MAB21L2: variants seen among roughly 807,000 people sequenced by gnomAD.
MAB21L2 encodes mab-21 like 2.
A neutral mutation model predicts 29.8 loss-of-function variants in MAB21L2; 15 were observed. The ratio of observed to expected loss-of-function variants is 0.50; its 90% CI spans 0.34 to 0.78. MAB21L2 has a LOEUF of 0.78. MAB21L2 is among the 30% of genes least tolerant of loss of function. MAB21L2 has a pLI of 0.01. For missense variants in MAB21L2, 321 were observed against 480.1 expected, an observed-to-expected ratio of 0.67 and a Z score of 3.10; for synonymous variants, 218 against 210.4, an observed-to-expected ratio of 1.04 and a Z score of -0.31.
chr4:150,582,893 A>G lies in MAB21L2; in HGVS notation c.-137A>G. ...GTATCAGCCGGTCAGCCCAGGTGGA[A>G]AACGAGAGTGAAAGTAGGGCTTAAC... On this transcript the variant is annotated 5_prime_UTR_variant, in exon 1 of 1. Transcript: ENST00000317605. The G allele has an allele frequency of 9.3e-7, 1 of 1,075,766 alleles. No homozygotes were observed. 66.6% of individuals were successfully genotyped at this position (1,075,766 alleles called of 1,614,324 possible).
Position 150,584,335 on chromosome 4 carries a change from G to C in MAB21L2, c.*226G>C. ...GTGATCGTTTTCTTCCAAACAATGT[G>C]AATTTAAAAGGTCACACAAAAGAAG... On this transcript the variant is annotated 3_prime_UTR_variant, in exon 1 of 1. Coordinates refer to ENST00000317605, the MANE Select transcript of MAB21L2 (RefSeq NM_006439.5). 1 of 420,826 alleles carries C rather than the reference G, an allele frequency of 2.4e-6. No homozygotes were observed. The highest frequency in any genetic ancestry group is 4.1e-5 in the Admixed American group (1 of 24,274). 26.1% of individuals were successfully genotyped at this position (420,826 alleles called of 1,614,324 possible). A position where few individuals can be genotyped will look rare whatever the true frequency, so the allele number is the denominator to read the frequency against.
Position 150,583,827 on chromosome 4 carries a change from C to A in MAB21L2, c.798C>A (p.Gly266=). ...TLRDRHLELP[G]QPLNNYHMKT... is the part of the protein sequence containing the mutation. ...GGGACCGCCACCTGGAGCTACCCGG[C>A]CAGCCGCTCAACAACTACCACATGA... is the stretch of plus-strand genomic sequence containing the variant. Residue 266 remains glycine, a synonymous_variant, in exon 1 of 1, where the codon GGC becomes GGA. Transcript: ENST00000317605. This position sits in a 1 kb window ranked among gnomAD's most constrained non-coding sequence, Gnocchi z 9.8. 6.2e-7 allele frequency: 1 copy of A among 1,614,204 alleles called. No individual in the cohort carries two copies. Among genetic ancestry groups the A allele is most frequent in the African/African-American group, 1.3e-5 (1 of 75,048 alleles).
rs779910816 is a variant in MAB21L2 at position 150,583,129 on chromosome 4, G to T, written c.100G>T (p.Val34Phe). 1.1e-5 allele frequency: 18 copies of T among 1,614,224 alleles called. No individual in the cohort carries two copies. The highest frequency in any genetic ancestry group is 1.4e-5 in the Non-Finnish European group (17 of 1,180,036). The change falls in exon 1 of 1, where the codon GTC becomes TTC. Residue 34 changes from valine to phenylalanine, a missense_variant. Coordinates refer to ENST00000317605, the MANE Select transcript of MAB21L2 (RefSeq NM_006439.5). The surrounding 1 kb of genome is among the most constrained non-coding windows in gnomAD (Gnocchi z 9.8). ...GGCCATCGCCAAAACCATCCGAGAG[G>T]TCTGTAAGGTGGTCTCGGACGTGCT... is the stretch of plus-strand genomic sequence containing the variant. ...KAAIAKTIRE[V>F]CKVVSDVLKE...
chr4:150,583,219 G>A lies in MAB21L2; in HGVS notation c.190G>A (p.Glu64Lys). The change falls in exon 1 of 1, where the codon GAG (glutamate) becomes AAG (lysine). Residue 64 changes from glutamate to lysine, a missense_variant. Transcript: ENST00000317605. The surrounding 1 kb of genome is among the most constrained non-coding windows in gnomAD (Gnocchi z 9.8). ...SSLSEIDARY[E>K]GLEVISPTEF... ...CTTGAGCGAGATCGATGCCCGCTAC[G>A]AGGGGCTCGAGGTCATTTCGCCCAC... 6.2e-7 allele frequency: 1 copy of A among 1,614,216 alleles called. No homozygotes were observed. Among genetic ancestry groups the A allele is most frequent in the South Asian group, 1.1e-5 (1 of 91,080 alleles).
rs1771466024 is a variant in MAB21L2, at chr4:150,582,248, A to T, written c.-782A>T. On this transcript the variant is annotated 5_prime_UTR_variant, in exon 1 of 1. Coordinates refer to ENST00000317605, the MANE Select transcript of MAB21L2 (RefSeq NM_006439.5). Reference sequence around the variant, plus strand: ...CAGAAATGATTATCAAACAACTTCCAGCGGTTTGCACCTAAAGAAACACAA... The same window carrying T: ...CAGAAATGATTATCAAACAACTTCCTGCGGTTTGCACCTAAAGAAACACAA... The T allele has an allele frequency of 6.6e-6, 1 of 152,142 alleles. No individual in the cohort carries two copies. The highest frequency in any genetic ancestry group is 1.5e-5 in the Non-Finnish European group (1 of 68,038). The allele number at this position is 152,142 out of a possible 1,614,324, so 9.4% of individuals were successfully genotyped here. A position where few individuals can be genotyped will look rare whatever the true frequency, so the allele number is the denominator to read the frequency against.
chr4:150,583,231 G>C lies in MAB21L2; in HGVS notation c.202G>C (p.Val68Leu), dbSNP rs753700138. The change falls in exon 1 of 1, where the codon GTC becomes CTC. Residue 68 changes from valine (V) to leucine (L), a missense_variant. Val to Leu is a conservative substitution (Grantham distance 32). Transcript: ENST00000317605. The surrounding 1 kb of genome is among the most constrained non-coding windows in gnomAD (Gnocchi z 9.8). ...CGATGCCCGCTACGAGGGGCTCGAG[G>C]TCATTTCGCCCACCGAATTTGAGGT... ...EIDARYEGLE[V>L]ISPTEFEVVL... 19 of 1,614,120 alleles carry C rather than the reference G, an allele frequency of 1.2e-5. No individual in the cohort carries two copies. The highest frequency in any genetic ancestry group is 1.6e-5 in the Non-Finnish European group (19 of 1,180,054).
rs1323794389 is a variant in MAB21L2, at chr4:150,583,133, G to A, written c.104G>A (p.Cys35Tyr). 1 of 1,614,114 alleles carries A rather than the reference G, an allele frequency of 6.2e-7. No individual in the cohort carries two copies. Among genetic ancestry groups the A allele is most frequent in the Non-Finnish European group, 8.5e-7 (1 of 1,180,036 alleles). ...AAIAKTIREV[C>Y]KVVSDVLKEV... ...ATCGCCAAAACCATCCGAGAGGTCT[G>A]TAAGGTGGTCTCGGACGTGCTCAAG... Residue 35 changes from cysteine (C) to tyrosine (Y), a missense_variant, in exon 1 of 1, where the codon TGT (cysteine) becomes TAT (tyrosine). By Grantham distance (194) the Cys-to-Tyr change is radical (BLOSUM62 -2). Transcript: ENST00000317605. The surrounding 1 kb of genome is among the most constrained non-coding windows in gnomAD (Gnocchi z 9.8).
rs1031762518 is a variant in MAB21L2, at chr4:150,582,529, T to C, written c.-501T>C. The C allele has an allele frequency of 1.9e-5, 3 of 159,774 alleles. No homozygotes were observed. The highest frequency in any genetic ancestry group is 4.2e-5 in the Non-Finnish European group (3 of 72,174). The allele number at this position is 159,774 out of a possible 1,614,324, so 9.9% of individuals were successfully genotyped here. On this transcript the variant is annotated 5_prime_UTR_variant, in exon 1 of 1. Coordinates refer to ENST00000317605, the MANE Select transcript of MAB21L2 (RefSeq NM_006439.5). ...ACCTACACTGAGCGAAGAAGTCCTA[T>C]CAGCGTGGAAGAGAAGTTTAAGAAT...
rs1354973339 is a variant in MAB21L2, at chr4:150,582,911, G to A, written c.-119G>A. 5.4e-5 allele frequency: 66 copies of A among 1,230,436 alleles called. 1 individual carries two copies. The highest frequency in any genetic ancestry group is 7.0e-5 in the Non-Finnish European group (62 of 887,754). The allele number at this position is 1,230,436 out of a possible 1,614,324, so 76.2% of individuals were successfully genotyped here. On this transcript the variant is annotated 5_prime_UTR_variant, in exon 1 of 1. Transcript: ENST00000317605. ...AGGTGGAAAACGAGAGTGAAAGTAG[G>A]GCTTAACGGGGAGCGCACCGCCTCT...
rs1771815816 is a variant in MAB21L2, at chr4:150,584,363, A to G, written c.*254A>G. On this transcript the variant is annotated 3_prime_UTR_variant, in exon 1 of 1. Transcript: ENST00000317605. ...TTTAAAAGGTCACACAAAAGAAGCAATCGGGCTCCGCCACCACAAAATGAA... is the reference window on the plus strand; with the variant it reads ...TTTAAAAGGTCACACAAAAGAAGCAGTCGGGCTCCGCCACCACAAAATGAA... 3.0e-6 allele frequency: 1 copy of G among 332,674 alleles called. No individual in the cohort carries two copies. Among genetic ancestry groups the G allele is most frequent in the South Asian group, 1.2e-4 (1 of 8,358 alleles). The allele number at this position is 332,674 out of a possible 1,614,324, so 20.6% of individuals were successfully genotyped here. A position where few individuals can be genotyped will look rare whatever the true frequency, so the allele number is the denominator to read the frequency against.
At position 150,583,101 on chromosome 4, in the gene MAB21L2, G is replaced by T; in HGVS notation, c.72G>T (p.Lys24Asn). 6.2e-7 allele frequency: 1 copy of T among 1,614,180 alleles called. No individual in the cohort carries two copies. Among genetic ancestry groups the T allele is most frequent in the South Asian group, 1.1e-5 (1 of 91,086 alleles). The change falls in exon 1 of 1, where the codon AAG (lysine) becomes AAT (asparagine). Residue 24 changes from lysine to asparagine, a missense_variant. Lys to Asn is a moderately conservative substitution (Grantham distance 94, BLOSUM62 0). Coordinates refer to ENST00000317605, the MANE Select transcript of MAB21L2 (RefSeq NM_006439.5). The surrounding 1 kb of genome is among the most constrained non-coding windows in gnomAD (Gnocchi z 9.8). ...KYYTERCQAR[K>N]AAIAKTIREV... ...ACACTGAGCGCTGTCAGGCGCGCAA[G>T]GCGGCCATCGCCAAAACCATCCGAG...
At position 150,583,755 on chromosome 4, in the gene MAB21L2, G is replaced by A. The variant is rs931392566; in HGVS notation, c.726G>A (p.Leu242=). Residue 242 remains leucine, a synonymous_variant, in exon 1 of 1, where the codon CTG becomes CTA. Transcript: ENST00000317605. This position sits in a 1 kb window ranked among gnomAD's most constrained non-coding sequence, Gnocchi z 9.8. ...LQFGEAENRL[L]MGGCRNKCLS... ...TCGGGGAGGCGGAGAACCGCCTGCT[G>A]ATGGGCGGCTGCCGAAACAAGTGCC... 1 of 1,613,936 alleles carries A rather than the reference G, an allele frequency of 6.2e-7. No homozygotes were observed. Among genetic ancestry groups the A allele is most frequent in the African/African-American group, 1.3e-5 (1 of 75,060 alleles).
At position 150,583,568 on chromosome 4, in the gene MAB21L2, G is replaced by C; in HGVS notation, c.539G>C (p.Trp180Ser). ...ITPAFKCTGI[W>S]PRSAAQWPMP... Reference sequence around the variant, plus strand: ...CCGGCGTTCAAGTGCACCGGGATCTGGCCTCGCAGCGCGGCACAGTGGCCT... The same window carrying C: ...CCGGCGTTCAAGTGCACCGGGATCTCGCCTCGCAGCGCGGCACAGTGGCCT... Residue 180 changes from tryptophan to serine, a missense_variant, in exon 1 of 1, where the codon TGG becomes TCG. Transcript: ENST00000317605. The surrounding 1 kb of genome is among the most constrained non-coding windows in gnomAD (Gnocchi z 9.8). 6.2e-7 allele frequency: 1 copy of C among 1,613,910 alleles called. No homozygotes were observed. The highest frequency in any genetic ancestry group is 8.5e-7 in the Non-Finnish European group (1 of 1,179,922).
Position 150,583,441 on chromosome 4 carries a change from C to G in MAB21L2, c.412C>G (p.Gln138Glu). Residue 138 changes from glutamine (Q) to glutamate (E), a missense_variant, in exon 1 of 1, where the codon CAG (glutamine) becomes GAG (glutamate). Coordinates refer to ENST00000317605, the MANE Select transcript of MAB21L2 (RefSeq NM_006439.5). This position sits in a 1 kb window ranked among gnomAD's most constrained non-coding sequence, Gnocchi z 9.8. Reference protein sequence around the residue: ...IRSRFQTLVAQAVDKCSYRDV... With the variant: ...IRSRFQTLVAEAVDKCSYRDV... ...CTCGCGTTTCCAGACGCTGGTGGCC[C>G]AGGCGGTGGACAAGTGCAGCTATCG... The G allele has an allele frequency of 6.2e-7, 1 of 1,613,916 alleles. No homozygotes were observed. The highest frequency in any genetic ancestry group is 8.5e-7 in the Non-Finnish European group (1 of 1,180,042).
At position 150,583,586 on chromosome 4, in the gene MAB21L2, A is replaced by T. The variant is rs145752558; in HGVS notation, c.557A>T (p.Gln186Leu). 5.0e-6 allele frequency: 8 copies of T among 1,613,858 alleles called. No individual in the cohort carries two copies. In the African/African-American group the frequency reaches 9.3e-5, roughly 19 times the overall value. The change falls in exon 1 of 1, where the codon CAG (glutamine) becomes CTG (leucine). Residue 186 changes from glutamine (Q) to leucine (L), a missense_variant. Coordinates refer to ENST00000317605, the MANE Select transcript of MAB21L2 (RefSeq NM_006439.5). This position sits in a 1 kb window ranked among gnomAD's most constrained non-coding sequence, Gnocchi z 9.8. Reference sequence around the variant, plus strand: ...GGGATCTGGCCTCGCAGCGCGGCACAGTGGCCTATGCCCCACATCCCTTGG... The same window carrying T: ...GGGATCTGGCCTCGCAGCGCGGCACTGTGGCCTATGCCCCACATCCCTTGG... ...CTGIWPRSAA[Q>L]WPMPHIPWPG...
In MAB21L2 at chr4:150,583,458, C is replaced by T. The variant is rs1771667878; in HGVS notation, c.429C>T (p.Cys143=). 1.9e-6 allele frequency: 3 copies of T among 1,613,884 alleles called. No homozygotes were observed. Among genetic ancestry groups the T allele is most frequent in the Non-Finnish European group, 2.5e-6 (3 of 1,180,032 alleles). ...TGGTGGCCCAGGCGGTGGACAAGTG[C>T]AGCTATCGGGATGTGGTCAAGATGA... The part of the protein sequence containing the change: ...QTLVAQAVDK[C]SYRDVVKMIA... The change falls in exon 1 of 1, where the codon TGC becomes TGT. Residue 143 remains cysteine, a synonymous_variant. Transcript: ENST00000317605. This position sits in a 1 kb window ranked among gnomAD's most constrained non-coding sequence, Gnocchi z 9.8.
In MAB21L2 at chr4:150,583,324, G is replaced by A; in HGVS notation, c.295G>A (p.Val99Met). 1.2e-6 allele frequency: 2 copies of A among 1,614,220 alleles called. No homozygotes were observed. The highest frequency in any genetic ancestry group is 1.7e-6 in the Non-Finnish European group (2 of 1,180,046). Residue 99 changes from valine (V) to methionine (M), a missense_variant, in exon 1 of 1, where the codon GTG (valine) becomes ATG (methionine). Coordinates refer to ENST00000317605, the MANE Select transcript of MAB21L2 (RefSeq NM_006439.5). This position sits in a 1 kb window ranked among gnomAD's most constrained non-coding sequence, Gnocchi z 9.8. The part of the protein sequence containing the change: ...VDDGSLPGCA[V>M]LKLSDGRKRS... ...CGACGGCTCGCTGCCCGGCTGCGCA[G>A]TGCTCAAACTGAGCGATGGGCGGAA...
In MAB21L2 at chr4:150,584,201, C is replaced by T; in HGVS notation, c.*92C>T. On this transcript the variant is annotated 3_prime_UTR_variant, in exon 1 of 1. Coordinates refer to ENST00000317605, the MANE Select transcript of MAB21L2 (RefSeq NM_006439.5). ...AAACAGCAGAAACTCTGGACACAAA[C>T]TTTTATGTAAGTCACCTGAAATAGG... 7.4e-7 allele frequency: 1 copy of T among 1,357,298 alleles called. No individual in the cohort carries two copies. Among genetic ancestry groups the T allele is most frequent in the African/African-American group, 1.5e-5 (1 of 68,366 alleles). 84.1% of individuals were successfully genotyped at this position (1,357,298 alleles called of 1,614,324 possible). A position where few individuals can be genotyped will look rare whatever the true frequency, so the allele number is the denominator to read the frequency against.
In MAB21L2 at chr4:150,583,979, C is replaced by T; in HGVS notation, c.950C>T (p.Pro317Leu). 1.2e-6 allele frequency: 2 copies of T among 1,614,160 alleles called. No individual in the cohort carries two copies. Among genetic ancestry groups the T allele is most frequent in the Non-Finnish European group, 1.7e-6 (2 of 1,180,006 alleles). Reference protein sequence around the residue: ...LISCLQCRRCPHYFLPNLDLF... With the variant: ...LISCLQCRRCLHYFLPNLDLF... Reference sequence around the variant, plus strand: ...TCCTGCCTGCAGTGCCGCCGCTGCCCTCACTACTTTCTGCCCAACCTCGAC... The same window carrying T: ...TCCTGCCTGCAGTGCCGCCGCTGCCTTCACTACTTTCTGCCCAACCTCGAC... Residue 317 changes from proline (P) to leucine (L), a missense_variant, in exon 1 of 1, where the codon CCT (proline) becomes CTT (leucine). Physicochemically the swap from Pro to Leu is moderately conservative, Grantham distance 98 (BLOSUM62 -3). Transcript: ENST00000317605. This position sits in a 1 kb window ranked among gnomAD's most constrained non-coding sequence, Gnocchi z 9.8.
Sources: allele counts gnomAD v4.1 joint callset, GRCh38; gene constraint gnomAD v4.1.1; non-coding constraint Gnocchi (gnomAD v3.1); transcripts MANE v1.5; gene names NCBI Gene and HGNC (gene_info 2026-07-23, HGNC 2026-07-21).